MMP26: variants seen among roughly 807,000 people sequenced by gnomAD.
MMP26 encodes the protein matrix metalloproteinase-26.
In MMP26, 33 loss-of-function variants were observed where a neutral mutation model predicts 31.0. The observed-to-expected ratio is 1.06, with a 90% CI of 0.81 to 1.42. The LOEUF (loss-of-function observed/expected upper bound fraction) is 1.42. Ranked by LOEUF, MMP26 falls within the 40% of genes most tolerant of loss-of-function variation. The probability of loss-of-function intolerance (pLI) is 0.00; values close to 1 mark genes in which losing one functional copy is unlikely to be tolerated. For synonymous variants in MMP26, 122 were observed against 114.9 expected, an observed-to-expected ratio of 1.06 and a Z score of -0.40; for missense variants, 347 against 316.1, an observed-to-expected ratio of 1.10 and a Z score of -0.74.
chr11:4,869,859 A>T (rs937917785), intron 2 of MMP26, among the ~76,000 whole-genome samples: 2 of 152,206 alleles, frequency 1.3e-5, no homozygotes, highest in African/African-American at 2.4e-5. Flanking sequence ...AAAATGTGGC[A>T]CATATATATA....
intron 2 of MMP26, chr11:4,943,105 A>G (rs1460611566): frequency 6.1e-6 from 1 of 163,756 alleles, no homozygotes; most frequent in East Asian, 1.8e-4. Flanking sequence ...TTCGTCCCTT[A>G]TAATTTTGTA....
chr11:4,848,492 C>G, intron 2 of MMP26: 1 of 1,613,610 alleles, frequency 6.2e-7, no homozygotes, highest in Non-Finnish European at 8.5e-7. Context: ...TCCAGCGATC[C>G]TCTCTGGACT....
rs1455365079 is a variant in MMP26, at chr11:4,756,552, G to A, written c.-216-10718G>A. The A allele has an allele frequency of 4.0e-5, 6 of 151,364 alleles. No homozygotes were observed. The South Asian group carries it at 6.2e-4, about 16-fold the overall frequency. The allele number at this position is 151,364 out of a possible 1,614,324, so 9.4% of individuals were successfully genotyped here. ...CCTATAAAGAAATGGAAATTAAGCC[G>A]GTTTTACAAAAAAATTAAAATATTA... On this transcript the variant is annotated intron_variant, in intron 1 of 7. Coordinates refer to ENST00000380390, the MANE Select transcript of MMP26 (RefSeq NM_021801.5).
At chr11:4,918,264 C>T (rs748877351) in intron 2 of MMP26, among the ~76,000 whole-genome samples, 3 of 152,004 alleles carry the variant, frequency 2.0e-5, no homozygotes, top group Admixed American at 2.0e-4. Context: ...TTTTGGTTAA[C>T]GAATCCCAGC....
chr11:4,742,996 G>A (rs79210326), intron 1 of MMP26, among the ~76,000 whole-genome samples: 6,682 of 152,084 alleles, frequency 0.044, 475 homozygotes, highest in African/African-American at 0.15. Context: ...AATTCCATCC[G>A]TGTAAATTTA....
chr11:4,869,988 C>T (rs1225115725), intron 2 of MMP26, among the ~76,000 whole-genome samples: 1 of 152,066 alleles, frequency 6.6e-6, no homozygotes, highest in Non-Finnish European at 1.5e-5. Context: ...AACCAAACAC[C>T]ACATGTTCTC....
chr11:4,956,311 G>T (rs547131908), intron 2 of MMP26, among the ~76,000 whole-genome samples: 1 of 152,128 alleles, frequency 6.6e-6, no homozygotes, highest in Non-Finnish European at 1.5e-5. Context: ...AGTGGCTCTC[G>T]GGTCACAGAG....
chr11:4,713,214 A>G (rs1471033082), intron 1 of MMP26, among the ~76,000 whole-genome samples: 1 of 152,034 alleles, frequency 6.6e-6, no homozygotes, highest in Non-Finnish European at 1.5e-5. Flanking sequence ...GTAAAAATGC[A>G]TTTTTCTAGG....
intron 2 of MMP26, among the ~76,000 whole-genome samples, chr11:4,796,315 T>C (rs931953545): frequency 2.0e-5 from 3 of 152,246 alleles, no homozygotes; most frequent in Admixed American, 6.5e-5. Flanking sequence ...AAACATTACC[T>C]CTTTAGGGAT....
chr11:4,922,307 T>G (rs1321064145), intron 2 of MMP26, among the ~76,000 whole-genome samples: 1 of 152,202 alleles, frequency 6.6e-6, no homozygotes, highest in Non-Finnish European at 1.5e-5. Context: ...ACAAGGTAAC[T>G]AGAAAGAGAA....
chr11:4,923,818 A>AT, intron 2 of MMP26: 8 of 1,614,042 alleles, frequency 5.0e-6, no homozygotes, highest in Non-Finnish European at 6.8e-6. Context: ...GAGCCAGCAC[A>AT]TGGGAGTGGC....
At chr11:4,925,043 A>G (rs947627860) in intron 2 of MMP26, among the ~76,000 whole-genome samples, 4 of 152,222 alleles carry the variant, frequency 2.6e-5, no homozygotes, top group Admixed American at 1.3e-4. Context: ...AAAAGATAAC[A>G]TTTATTAAAT....
At chr11:4,850,992 G>T (rs1335297724) in intron 2 of MMP26, among the ~76,000 whole-genome samples, 1 of 152,012 alleles carries the variant, frequency 6.6e-6, no homozygotes, top group Non-Finnish European at 1.5e-5. Flanking sequence ...CTTTTAAAAA[G>T]CAATAAATAG....
At chr11:4,710,519 T>G in intron 1 of MMP26, 1 of 412,842 alleles carries the variant, frequency 2.4e-6, no homozygotes, top group South Asian at 1.8e-5. Flanking sequence ...TTTAGGGAAG[T>G]TTGAGTGTAC....
chr11:4,924,178 A>G, intron 2 of MMP26: 1 of 1,614,230 alleles, frequency 6.2e-7, no homozygotes, highest in South Asian at 1.1e-5. Context: ...GGAGAGTGGC[A>G]TCAGTACAAA....
intron 2 of MMP26, among the ~76,000 whole-genome samples, chr11:4,869,605 T>G (rs1002117312): frequency 1.2e-4 from 18 of 152,108 alleles, no homozygotes; most frequent in Non-Finnish European, 7.4e-5. Context: ...TAGGAACACT[T>G]TTACACTGTT....
intron 2 of MMP26, among the ~76,000 whole-genome samples, chr11:4,963,835 G>A (rs547746697): frequency 1.2e-3 from 177 of 152,168 alleles, no homozygotes; most frequent in Non-Finnish European, 2.1e-3. Context: ...GCATCTCATC[G>A]TGGTTTTGAT....
Position 4,782,726 on chromosome 11 carries a change from T to C in MMP26, c.-145+15385T>C, listed in dbSNP as rs1848881051. 3.3e-5 allele frequency among the ~76,000 whole-genome samples: 5 copies of C among 152,198 alleles called. No individual in the cohort carries two copies. The South Asian group carries it at 1.0e-3, about 31-fold the overall frequency. Reference sequence around the variant, plus strand: ...AGGTTTAGGAGGAAAAAGTGGTATATTGGGCCAGGCCCAAGGTCTCTGTGC... The same window carrying C: ...AGGTTTAGGAGGAAAAAGTGGTATACTGGGCCAGGCCCAAGGTCTCTGTGC... On this transcript the variant is annotated intron_variant, in intron 2 of 7. Transcript: ENST00000380390.
At chr11:4,844,015 T>C (rs908877895) in intron 2 of MMP26, among the ~76,000 whole-genome samples, 22 of 152,186 alleles carry the variant, frequency 1.4e-4, no homozygotes, top group Middle Eastern at 3.4e-3. Flanking sequence ...TTCCCCAAAA[T>C]TGACCAACTT....
Sources: allele counts gnomAD v4.1 joint callset (sites outside exome capture counted in the v4.1 genomes callset), GRCh38; gene constraint gnomAD v4.1.1; transcripts MANE v1.5; gene names NCBI Gene and HGNC (gene_info 2026-07-23, HGNC 2026-07-21).